Variants in KATNAL2 observed in about 807,000 individuals in gnomAD.
The protein encoded by KATNAL2 is katanin catalytic subunit A1 like 2.
In KATNAL2, 52 loss-of-function variants were observed where a neutral mutation model predicts 76.3. The observed-to-expected ratio is 0.68, with a 90% CI of 0.55 to 0.86. KATNAL2 has a LOEUF of 0.86. KATNAL2 is among the 40% of genes least tolerant of loss of function. The pLI, the probability that KATNAL2 is intolerant of heterozygous loss-of-function variation, is 0.00. For synonymous variants in KATNAL2, 243 were observed against 244.2 expected (o/e 1.00, Z 0.05); for missense variants, 660 against 668.9 (o/e 0.99, Z 0.15).
rs1195140135 is a variant in KATNAL2 at position 47,043,226 on chromosome 18, C to CAAA, written c.52-3214_52-3212dup. 9.8e-4 allele frequency among the ~76,000 whole-genome samples: 41 copies of CAAA among 41,682 alleles called. 10 individuals carry two copies. Among genetic ancestry groups the CAAA allele is most frequent in the African/African-American group, 4.3e-3 (40 of 9,374 alleles). The allele number at this position is 41,682 out of a possible 152,430, so 27.3% of individuals were successfully genotyped here. ...CCGGCGACAGAGCGAGACTCCGTTT[C>CAAA]AAAAAAAAAAAAAAAAAAAGAGATC... On this transcript the variant is annotated intron_variant, in intron 3 of 17. Transcript: ENST00000683218.
In KATNAL2 at chr18:46,920,397, A is replaced by C. The variant is rs575822634; in HGVS notation, c.-510+2471A>C. Among the ~76,000 whole-genome samples the C allele has an allele frequency of 5.6e-4, 85 of 152,310 alleles. 1 individual carries two copies. The South Asian group carries it at 0.017, about 31-fold the overall frequency. On this transcript the variant is annotated intron_variant, in intron 1 of 17. Transcript: ENST00000683218. ...TGTGGAACACTCGCCATTTTGCTACAGTGAAGAGCCAACCTGAGAACCAAC... is the reference window on the plus strand; with the variant it reads ...TGTGGAACACTCGCCATTTTGCTACCGTGAAGAGCCAACCTGAGAACCAAC...
chr18:47,077,501 G>A (rs759159992), intron 15 of KATNAL2, 40 bp downstream of exon 15: 1 of 1,432,706 alleles, frequency 7.0e-7, no homozygotes, highest in African/African-American at 1.4e-5. Flanking sequence ...ACATTTTCAG[G>A]AGTCACTAAG....
At chr18:47,055,111 T>C (rs1392704016) in intron 6 of KATNAL2, among the ~76,000 whole-genome samples, 3 of 152,216 alleles carry the variant, frequency 2.0e-5, no homozygotes, top group Admixed American at 6.5e-5. Context: ...CCCCTACTCT[T>C]GCCAGTGTCC....
chr18:47,043,209 A>T lies in KATNAL2; in HGVS notation c.52-3248A>T, dbSNP rs1019465537. Among the ~76,000 whole-genome samples, 3 of 146,536 alleles carry T rather than the reference A, an allele frequency of 2.0e-5. No homozygotes were observed. The Admixed American group carries it at 2.1e-4, about 10-fold the overall frequency. On this transcript the variant is annotated intron_variant, in intron 3 of 17. Coordinates refer to ENST00000683218, the MANE Select transcript of KATNAL2 (RefSeq NM_001387690.1). Reference sequence around the variant, plus strand: ...GCCACTACACTCCAGCCCCGGCGACAGAGCGAGACTCCGTTTCAAAAAAAA... The same window carrying T: ...GCCACTACACTCCAGCCCCGGCGACTGAGCGAGACTCCGTTTCAAAAAAAA...
intron 3 of KATNAL2, among the ~76,000 whole-genome samples, chr18:47,032,078 T>G (rs1037280475): frequency 2.0e-5 from 3 of 152,220 alleles, no homozygotes; most frequent in Non-Finnish European, 4.4e-5. Flanking sequence ...TTAGACTTCT[T>G]GATTCAGAAC....
intron 4 of KATNAL2, among the ~76,000 whole-genome samples, chr18:47,050,961 A>C (rs1023875899): frequency 6.6e-6 from 1 of 152,214 alleles, no homozygotes; most frequent in African/African-American, 2.4e-5. Flanking sequence ...TGTGTGAGTG[A>C]GAATTGGTGA....
At chr18:47,091,016 G>A (rs1005079755) in intron 15 of KATNAL2, among the ~76,000 whole-genome samples, 4 of 152,170 alleles carry the variant, frequency 2.6e-5, no homozygotes, top group African/African-American at 9.7e-5. Context: ...CTGAAGGTTG[G>A]TTTCTCTTAT....
intron 3 of KATNAL2, among the ~76,000 whole-genome samples, chr18:46,947,600 A>T (rs922663056): frequency 6.6e-6 from 1 of 152,164 alleles, no homozygotes; most frequent in African/African-American, 2.4e-5. Context: ...AAGGAAAAAT[A>T]AAAATAAAGT....
At chr18:47,072,225 G>A (rs2147216034) in intron 13 of KATNAL2, among the ~76,000 whole-genome samples, 1 of 151,412 alleles carries the variant, frequency 6.6e-6, no homozygotes, top group Admixed American at 6.6e-5. Context: ...CAAAGGGCTG[G>A]GATTACAGGC....
intron 1 of KATNAL2, among the ~76,000 whole-genome samples, chr18:46,938,654 A>G (rs1325540198): frequency 6.6e-6 from 1 of 152,120 alleles, no homozygotes; most frequent in Non-Finnish European, 1.5e-5. Context: ...CTCTCATTCC[A>G]TATAACATCC....
At chr18:47,064,365 A>G (rs921915787) in intron 10 of KATNAL2, among the ~76,000 whole-genome samples, 2 of 152,204 alleles carry the variant, frequency 1.3e-5, no homozygotes, top group Non-Finnish European at 2.9e-5. Flanking sequence ...CAGTTTGTGC[A>G]CATGTCCTGT....
intron 3 of KATNAL2, among the ~76,000 whole-genome samples, chr18:46,948,401 C>T (rs2059445125): frequency 1.3e-5 from 2 of 151,278 alleles, no homozygotes; most frequent in African/African-American, 4.9e-5. Flanking sequence ...CATGAACCAA[C>T]ATGCCTGGCC....
chr18:47,058,519 C>T (rs151038940), intron 7 of KATNAL2, among the ~76,000 whole-genome samples, 167 bp downstream of exon 7: 11 of 152,338 alleles, frequency 7.2e-5, no homozygotes, highest in African/African-American at 2.4e-4. Context: ...AAACCATGGA[C>T]ATATCCCTAG....
intron 1 of KATNAL2, among the ~76,000 whole-genome samples, chr18:46,942,382 C>G (rs1331726352): frequency 6.6e-6 from 1 of 152,048 alleles, no homozygotes; most frequent in Non-Finnish European, 1.5e-5. Context: ...TTTGGGAGGC[C>G]GAGGTGGGCG....
Position 47,058,244 on chromosome 18 carries a change from C to T in KATNAL2, c.342C>T (p.Asn114=), listed in dbSNP as rs201774517. 69 of 1,611,792 alleles carry T rather than the reference C, an allele frequency of 4.3e-5. 1 individual carries two copies. The East Asian group carries it at 4.7e-4, about 11-fold the overall frequency. ...TTGTTCCCTCCCTTAGGATGATGAA[C>T]GACAGTTGTCAAAATCTTCCCAAGA... ...RSRGKTRRMM[N]DSCQNLPKIN... Residue 114 remains asparagine (N), a synonymous_variant, in exon 7 of 18, where the codon AAC becomes AAT. Transcript: ENST00000683218.
rs553688267 is a variant in KATNAL2 at position 46,950,401 on chromosome 18, A to G, written c.51+3478A>G. Among the ~76,000 whole-genome samples the G allele has an allele frequency of 3.3e-5, 5 of 152,314 alleles. No homozygotes were observed. The East Asian group carries it at 9.7e-4, about 29-fold the overall frequency. On this transcript the variant is annotated intron_variant, in intron 3 of 17. Transcript: ENST00000683218. ...GATATAAAGAGGACTGCACGTCCAC[A>G]AGACATTCTGATTACCTACATCATC...
intron 1 of KATNAL2, among the ~76,000 whole-genome samples, chr18:46,937,386 TTTA>T (rs961977779): frequency 2.0e-5 from 3 of 151,874 alleles, no homozygotes; most frequent in Non-Finnish European, 2.9e-5. Flanking sequence ...TTTTAAAATT[TTTA>T]TTATTATTAT....
chr18:46,962,394 G>T (rs2060009691), intron 3 of KATNAL2, among the ~76,000 whole-genome samples: 1 of 82,570 alleles, frequency 1.2e-5, no homozygotes, highest in Admixed American at 1.4e-4. Context: ...TGTCTAAGAA[G>T]TCCTTCCTTA....
intron 1 of KATNAL2, among the ~76,000 whole-genome samples, chr18:46,924,911 G>A (rs1369886891): frequency 3.3e-5 from 5 of 152,166 alleles, no homozygotes; most frequent in African/African-American, 1.2e-4. Context: ...AAGAATGCTT[G>A]CGATTTTTGT....
Sources: allele counts gnomAD v4.1 joint callset (sites outside exome capture counted in the v4.1 genomes callset), GRCh38; gene constraint gnomAD v4.1.1; transcripts MANE v1.5; gene names NCBI Gene and HGNC (gene_info 2026-07-23, HGNC 2026-07-21).